STXBP5L: variants seen among roughly 807,000 people sequenced by gnomAD.
The protein encoded by STXBP5L is syntaxin-binding protein 5-like.
STXBP5L carries 65 observed loss-of-function variants against 144.5 expected under a neutral mutation model. The ratio of observed to expected loss-of-function variants is 0.45; its 90% CI spans 0.37 to 0.55. STXBP5L has a LOEUF of 0.55. Among genes scored for constraint, STXBP5L ranks in the 20% least tolerant of loss-of-function variants. The probability of loss-of-function intolerance (pLI) is 0.00; values close to 1 mark genes in which losing one functional copy is unlikely to be tolerated. For synonymous variants in STXBP5L, 505 were observed against 469.6 expected (o/e 1.08, Z -0.97); for missense variants, 1,298 against 1,405.5 (o/e 0.92, Z 1.22).
At chr3:121,058,225 G>A (rs1948590948) in intron 5 of STXBP5L, among the ~76,000 whole-genome samples, 1 of 152,180 alleles carries the variant, frequency 6.6e-6, no homozygotes, top group East Asian at 1.9e-4. Flanking sequence ...AATATGCGGT[G>A]TTTGGTTTTC....
chr3:121,020,403 G>T (rs1157926511), intron 3 of STXBP5L, among the ~76,000 whole-genome samples: 1 of 152,128 alleles, frequency 6.6e-6, no homozygotes, highest in Non-Finnish European at 1.5e-5. Flanking sequence ...AATACGAGAA[G>T]CTCAAAGAAC....
At chr3:120,986,347 T>G (rs1270032334) in intron 3 of STXBP5L, among the ~76,000 whole-genome samples, 1 of 152,092 alleles carries the variant, frequency 6.6e-6, no homozygotes. Context: ...TTAGAATGTA[T>G]ATGCTATGGT....
At chr3:121,080,171 C>T (rs895177919) in intron 5 of STXBP5L, among the ~76,000 whole-genome samples, 7 of 152,056 alleles carry the variant, frequency 4.6e-5, no homozygotes, top group African/African-American at 1.4e-4. Context: ...TTTCCATTGG[C>T]ATGGAACATG....
intron 5 of STXBP5L, among the ~76,000 whole-genome samples, chr3:121,052,262 T>C (rs902726807): frequency 2.7e-4 from 41 of 151,998 alleles, no homozygotes; most frequent in African/African-American, 9.4e-4. Flanking sequence ...ATCCAGGCTT[T>C]GATACCAAAG....
At chr3:121,090,591 G>A (rs1018814876) in intron 5 of STXBP5L, among the ~76,000 whole-genome samples, 7 of 152,022 alleles carry the variant, frequency 4.6e-5, no homozygotes, top group African/African-American at 1.7e-4. Context: ...AGTTAATTAT[G>A]ATTAAAATAT....
chr3:121,139,974 T>A (rs934051585), intron 7 of STXBP5L, among the ~76,000 whole-genome samples: 1 of 151,798 alleles, frequency 6.6e-6, no homozygotes, highest in African/African-American at 2.4e-5. Flanking sequence ...AACAACCCAG[T>A]TGAAAAATGG....
intron 20 of STXBP5L, among the ~76,000 whole-genome samples, chr3:121,370,231 G>GT (rs2045991147): frequency 1.3e-5 from 2 of 152,156 alleles, no homozygotes; most frequent in Non-Finnish European, 2.9e-5. Flanking sequence ...AGCCAGGCAT[G>GT]ATGGCAGGCA....
chr3:121,284,824 T>C (rs1191078251), intron 19 of STXBP5L, among the ~76,000 whole-genome samples: 1 of 152,106 alleles, frequency 6.6e-6, no homozygotes, highest in East Asian at 1.9e-4. Context: ...CCCGTGTCTC[T>C]ACCAGTGGGC....
chr3:120,952,533 T>C (rs1004578463), intron 2 of STXBP5L, among the ~76,000 whole-genome samples: 1 of 152,086 alleles, frequency 6.6e-6, no homozygotes, highest in Non-Finnish European at 1.5e-5. Flanking sequence ...CACTTTTAAG[T>C]CCTCATAAAA....
At chr3:121,103,202 T>A (rs969516523) in intron 5 of STXBP5L, among the ~76,000 whole-genome samples, 6 of 149,020 alleles carry the variant, frequency 4.0e-5, no homozygotes, top group Non-Finnish European at 7.5e-5. Context: ...TGGGTATATA[T>A]CCATAGAAAA....
In STXBP5L at chr3:121,329,916, A is replaced by T. The variant is rs543503041; in HGVS notation, c.2176+11376A>T. ...ACTACTTGTCACACCACATATGAAA[A>T]AAATCTACATAAAGATACACTTATT... On this transcript the variant is annotated intron_variant, in intron 20 of 26. Transcript: ENST00000471454. 4.0e-3 allele frequency among the ~76,000 whole-genome samples: 466 copies of T among 116,082 alleles called. 5 individuals carry two copies. Among genetic ancestry groups the T allele is most frequent in the African/African-American group, 0.013 (449 of 35,676 alleles). 76.2% of individuals were successfully genotyped at this position (116,082 alleles called of 152,430 possible). A position where few individuals can be genotyped will look rare whatever the true frequency, so the allele number is the denominator to read the frequency against.
At chr3:121,386,567 G>A (rs553722664) in intron 22 of STXBP5L, among the ~76,000 whole-genome samples, 57 of 150,562 alleles carry the variant, frequency 3.8e-4, no homozygotes, top group African/African-American at 9.8e-4. Flanking sequence ...CCCACCCCCC[G>A]ACAGGTCCCA....
At chr3:121,233,903 G>A (rs764313724) in intron 12 of STXBP5L, among the ~76,000 whole-genome samples, 18 of 152,142 alleles carry the variant, frequency 1.2e-4, no homozygotes, top group Non-Finnish European at 2.4e-4. Context: ...CTGATGTTTG[G>A]ACAGAAGCAT....
At chr3:121,415,184 T>G (rs1022945064) in intron 24 of STXBP5L, among the ~76,000 whole-genome samples, 1 of 152,208 alleles carries the variant, frequency 6.6e-6, no homozygotes, top group Admixed American at 6.5e-5. Context: ...AACTTTGGTC[T>G]GCTTTAGAAA....
At chr3:121,222,049 G>A (rs2048988769) in intron 10 of STXBP5L, among the ~76,000 whole-genome samples, 1 of 151,930 alleles carries the variant, frequency 6.6e-6, no homozygotes, top group Non-Finnish European at 1.5e-5. Context: ...GAATTATGTA[G>A]ATGAGCATTA....
At chr3:121,360,164 T>A (rs2045667985) in intron 20 of STXBP5L, among the ~76,000 whole-genome samples, 1 of 150,492 alleles carries the variant, frequency 6.6e-6, no homozygotes. Flanking sequence ...GATCTTCTTT[T>A]CTCTTCTTAT....
intron 3 of STXBP5L, among the ~76,000 whole-genome samples, chr3:121,010,161 C>G (rs1462067450): frequency 3.3e-5 from 5 of 151,936 alleles, no homozygotes; most frequent in African/African-American, 1.2e-4. Flanking sequence ...TGTTTTAAGT[C>G]TCCAAGTTCA....
At chr3:121,123,243 A>G (rs2044550423) in intron 7 of STXBP5L, among the ~76,000 whole-genome samples, 2 of 151,658 alleles carry the variant, frequency 1.3e-5, no homozygotes, top group Non-Finnish European at 3.0e-5. Flanking sequence ...ATCTAAATAT[A>G]TGTATATATA....
In STXBP5L at chr3:121,393,393, G is replaced by A. The variant is rs77164445; in HGVS notation, c.2587+11861G>A. Among the ~76,000 whole-genome samples, 25 of 152,118 alleles carry A rather than the reference G, an allele frequency of 1.6e-4. No homozygotes were observed. The East Asian group carries it at 4.8e-3, about 29-fold the overall frequency. On this transcript the variant is annotated intron_variant, in intron 22 of 26. Transcript: ENST00000471454. ...ATTCCTCAAGTTGTTTATTCACTCT[G>A]TTGTTTATTTCTTTTTCTGTGCATA...
Sources: allele counts gnomAD v4.1 joint callset (sites outside exome capture counted in the v4.1 genomes callset), GRCh38; gene constraint gnomAD v4.1.1; transcripts MANE v1.5; gene names NCBI Gene and HGNC (gene_info 2026-07-23, HGNC 2026-07-21).